Variants in UBE2Z observed in about 807,000 individuals in gnomAD.
The protein encoded by UBE2Z is ubiquitin conjugating enzyme E2 Z.
Under a neutral mutation model 32.6 loss-of-function variants are expected in UBE2Z, and 10 were observed. The ratio of observed to expected loss-of-function variants is 0.31; its 90% confidence interval spans 0.19 to 0.52. The LOEUF (loss-of-function observed/expected upper bound fraction) is 0.52, where lower values mean the gene tolerates loss of function less well. UBE2Z is among the 20% of genes least tolerant of loss of function. UBE2Z has a pLI of 0.97. For synonymous variants in UBE2Z, 183 were observed against 190.8 expected, an observed-to-expected ratio of 0.96 and a Z score of 0.34; for missense variants, 343 against 480.9, an observed-to-expected ratio of 0.71 and a Z score of 2.68.
rs1039387007 is a variant in UBE2Z at position 48,908,696 on chromosome 17, C to T, written c.193C>T (p.Leu65=). 5 of 1,284,964 alleles carry T rather than the reference C, an allele frequency of 3.9e-6. No homozygotes were observed. The highest frequency in any genetic ancestry group is 4.9e-6 in the Non-Finnish European group (5 of 1,017,270). 79.6% of individuals were successfully genotyped at this position (1,284,964 alleles called of 1,614,324 possible). ...AGGPGSGLAP[L]PGLPPSAAAH... ...GGGCCCGGGGAGCGGCCTGGCTCCG[C>T]TGCCCGGGCTCCCGCCCTCAGCCGC... Residue 65 remains leucine (L), a synonymous_variant, in exon 1 of 7, where the codon CTG becomes TTG. Coordinates refer to ENST00000360943, the MANE Select transcript of UBE2Z (RefSeq NM_023079.5).
intron 6 of UBE2Z, among the ~76,000 whole-genome samples, chr17:48,924,895 C>T (rs1244104847): frequency 6.9e-6 from 1 of 145,502 alleles, no homozygotes. Flanking sequence ...CTAATGTAAA[C>T]CACCTGGTTG....
rs1293930587 is a variant in UBE2Z, at chr17:48,910,858, C to T, written c.368C>T (p.Pro123Leu). 6.2e-7 allele frequency: 1 copy of T among 1,613,090 alleles called. No homozygotes were observed. Among genetic ancestry groups the T allele is most frequent in the Non-Finnish European group, 8.5e-7 (1 of 1,179,596 alleles). The part of the protein sequence containing the change: ...KEPPPGMFVV[P>L]DTVDMTKIHA... ...CCTCCTCCAGGAATGTTCGTTGTAC[C>T]TGATACTGTTGACATGACTAAGGTA... Residue 123 changes from proline (P) to leucine (L), a missense_variant, in exon 2 of 7, where the codon CCT becomes CTT. Transcript: ENST00000360943.
intron 1 of UBE2Z, among the ~76,000 whole-genome samples, chr17:48,909,563 C>G (rs1382794345): frequency 1.5e-5 from 2 of 131,872 alleles, no homozygotes; most frequent in East Asian, 5.3e-4. Flanking sequence ...CCACCCTCCC[C>G]GGGTCGTCTG....
chr17:48,919,695 C>T (rs1332649264), intron 4 of UBE2Z, among the ~76,000 whole-genome samples: 1 of 152,120 alleles, frequency 6.6e-6, no homozygotes, highest in Non-Finnish European at 1.5e-5. Flanking sequence ...CAATGCTGAT[C>T]CTGAACTCCT....
intron 4 of UBE2Z, among the ~76,000 whole-genome samples, chr17:48,917,608 G>A (rs12453394): frequency 0.41 from 62,537 of 151,942 alleles, 15,396 homozygotes; most frequent in East Asian, 0.71. Context: ...CAGTGCCAAC[G>A]AGAAGGTGGA....
At chr17:48,914,903 C>G (rs1010052945) in intron 3 of UBE2Z, among the ~76,000 whole-genome samples, 1 of 152,156 alleles carries the variant, frequency 6.6e-6, no homozygotes, top group Non-Finnish European at 1.5e-5. Flanking sequence ...TGCCTCTAGT[C>G]CCAGCTACTC....
chr17:48,923,548 C>T (rs1362092856), intron 6 of UBE2Z, among the ~76,000 whole-genome samples: 1 of 151,810 alleles, frequency 6.6e-6, no homozygotes, highest in African/African-American at 2.4e-5. Context: ...AGGAGAATCG[C>T]TTGAACCTGG....
Position 48,926,946 on chromosome 17 carries a change from T to C in UBE2Z, c.895-18T>C. The C allele has an allele frequency of 6.2e-7, 1 of 1,607,748 alleles. No individual in the cohort carries two copies. Reference sequence around the variant, plus strand: ...CCCAGACTTGAATCTTCCATCCCCTTGTCTCCTTTCCCCACAGGACCCTTT... The same window carrying C: ...CCCAGACTTGAATCTTCCATCCCCTCGTCTCCTTTCCCCACAGGACCCTTT... On this transcript the variant is annotated intron_variant, in intron 6 of 6. Transcript: ENST00000360943.
chr17:48,924,855 A>AAG (rs1397890747), intron 6 of UBE2Z, among the ~76,000 whole-genome samples: 6 of 150,916 alleles, frequency 4.0e-5, no homozygotes, highest in Admixed American at 3.9e-4. Context: ...CAAAAAAAAA[A>AAG]AAAAAAAAAA....
chr17:48,927,099 A>T lies in UBE2Z; in HGVS notation c.1030A>T (p.Thr344Ser). The T allele has an allele frequency of 6.2e-7, 1 of 1,613,920 alleles. No homozygotes were observed. The highest frequency in any genetic ancestry group is 8.5e-7 in the Non-Finnish European group (1 of 1,179,858). ...GGACTCTGATAGCAGTTCATCTGGG[A>T]CAGAGACAGACCTTCATGGGAGCCT... ...EMDSDSSSSGTETDLHGSLRV is the reference protein window; with the variant it reads ...EMDSDSSSSGSETDLHGSLRV The change falls in exon 7 of 7, where the codon ACA (threonine) becomes TCA (serine). Residue 344 changes from threonine to serine, a missense_variant. Physicochemically the swap from Thr to Ser is moderately conservative, Grantham distance 58. Transcript: ENST00000360943.
At position 48,922,874 on chromosome 17, in the gene UBE2Z, G is replaced by C; in HGVS notation, c.831G>C (p.Glu277Asp). ...LRGVMEKSFL[E>D]YYDFYEVACK... is the part of the protein sequence containing the mutation. ...GGGTGATGGAGAAGTCCTTTCTGGAGTATTACGACTTCTACGAGGTGGCCT... is the reference window on the plus strand; with the variant it reads ...GGGTGATGGAGAAGTCCTTTCTGGACTATTACGACTTCTACGAGGTGGCCT... The change falls in exon 6 of 7, where the codon GAG becomes GAC. Residue 277 changes from glutamate to aspartate, a missense_variant. Glu to Asp is a conservative substitution (Grantham distance 45, BLOSUM62 2). Coordinates refer to ENST00000360943, the MANE Select transcript of UBE2Z (RefSeq NM_023079.5). 1 of 1,612,880 alleles carries C rather than the reference G, an allele frequency of 6.2e-7. No individual in the cohort carries two copies. Among genetic ancestry groups the C allele is most frequent in the Non-Finnish European group, 8.5e-7 (1 of 1,179,196 alleles).
Position 48,922,861 on chromosome 17 carries a change from A to G in UBE2Z, c.818A>G (p.Lys273Arg), listed in dbSNP as rs775387128. Residue 273 changes from lysine to arginine, a missense_variant, in exon 6 of 7, where the codon AAG (lysine) becomes AGG (arginine). This residue lies in a region of UBE2Z where 182 missense variants were observed against 312.4 expected (regional missense o/e 0.58). Transcript: ENST00000360943. ...CPEPLRGVME[K>R]SFLEYYDFYE... ...TTGTTTTCCAGAGGGGTGATGGAGA[A>G]GTCCTTTCTGGAGTATTACGACTTC... is the stretch of plus-strand genomic sequence containing the variant. 6.2e-7 allele frequency: 1 copy of G among 1,612,044 alleles called. No individual in the cohort carries two copies. Among genetic ancestry groups the G allele is most frequent in the Non-Finnish European group, 8.5e-7 (1 of 1,178,492 alleles).
In UBE2Z at chr17:48,924,845, C is replaced by CAAAAAA. The variant is rs5820735; in HGVS notation, c.894+1923_894+1928dup. On this transcript the variant is annotated intron_variant, in intron 6 of 6. Transcript: ENST00000360943. ...TGGGCAACAGAACAAGATTCTGTCTCAAAAAAAAAAAAAAAAAAAAGACAA... is the reference window on the plus strand; with the variant it reads ...TGGGCAACAGAACAAGATTCTGTCTCAAAAAAAAAAAAAAAAAAAAAAAAAAGACAA... 1.3e-4 allele frequency among the ~76,000 whole-genome samples: 11 copies of CAAAAAA among 85,752 alleles called. 1 individual carries two copies. The highest frequency in any genetic ancestry group is 2.3e-4 in the Non-Finnish European group (11 of 47,198). The allele number at this position is 85,752 out of a possible 152,430, so 56.3% of individuals were successfully genotyped here.
intron 6 of UBE2Z, among the ~76,000 whole-genome samples, chr17:48,923,509 A>G (rs1162479581): frequency 2.7e-5 from 4 of 150,538 alleles, no homozygotes; most frequent in East Asian, 4.0e-4. Flanking sequence ...GCATGTGCCT[A>G]TAATCCCGGC....
At chr17:48,915,898 G>T in intron 3 of UBE2Z, 178 bp from the exon 4 acceptor site, 2 of 342,712 alleles carry the variant, frequency 5.8e-6, no homozygotes, top group Non-Finnish European at 1.0e-5. Flanking sequence ...TTAGGCAATT[G>T]ACTGATTTCT....
intron 4 of UBE2Z, among the ~76,000 whole-genome samples, chr17:48,919,991 G>A (rs1039973981): frequency 1.3e-5 from 2 of 151,840 alleles, no homozygotes; most frequent in African/African-American, 4.8e-5. Context: ...TCCCAGCCTG[G>A]GCAACGTAGT....
chr17:48,927,291 G>GT lies in UBE2Z; in HGVS notation c.*158dup. The stretch of plus-strand genomic sequence containing the variant: ...CAAGCTCCGATCCCAGGGTGTGGGA[G>GT]TGGGGGCCTGTTCCCGGTCTGACCT... On this transcript the variant is annotated 3_prime_UTR_variant, in exon 7 of 7. Coordinates refer to ENST00000360943, the MANE Select transcript of UBE2Z (RefSeq NM_023079.5). 1 of 767,164 alleles carries GT rather than the reference G, an allele frequency of 1.3e-6. No homozygotes were observed. Among genetic ancestry groups the GT allele is most frequent in the South Asian group, 1.8e-5 (1 of 54,486 alleles). The allele number at this position is 767,164 out of a possible 1,614,324, so 47.5% of individuals were successfully genotyped here.
intron 1 of UBE2Z, among the ~76,000 whole-genome samples, chr17:48,910,133 C>G (rs1051721934): frequency 1.3e-5 from 2 of 152,180 alleles, no homozygotes; most frequent in African/African-American, 2.4e-5. Flanking sequence ...GCCCCTTGCT[C>G]TCAACTGATC....
intron 4 of UBE2Z, 133 bp from the exon 5 acceptor site, chr17:48,921,027 G>C (rs2040754494): frequency 3.0e-6 from 2 of 669,126 alleles, no homozygotes; most frequent in Non-Finnish European, 5.2e-6. Context: ...TCATGGATCT[G>C]CCATACAGTG....
Sources: gnomAD v4.1 joint callset for allele counts (sites outside exome capture counted in the v4.1 genomes callset) on GRCh38, gnomAD v4.1.1 for gene constraint, gnomAD v4.1.1 regional missense constraint, MANE v1.5 for transcripts, NCBI Gene and HGNC (gene_info 2026-07-23, HGNC 2026-07-21) for gene names.